Variants in TRIT1 observed in about 807,000 individuals in gnomAD.
TRIT1 encodes the protein tRNA isopentenyltransferase 1.
In TRIT1, 43 loss-of-function variants were observed where a neutral mutation model predicts 51.2. That is an observed-to-expected ratio of 0.84 (90% CI 0.66 to 1.08). The LOEUF (loss-of-function observed/expected upper bound fraction) is 1.08. Ranked by LOEUF, TRIT1 falls within the 50% of genes least tolerant of loss-of-function variation. The pLI is 0.00. For synonymous variants in TRIT1, 184 were observed against 203.9 expected (o/e 0.90, Z 0.83); for missense variants, 528 against 578.4 (o/e 0.91, Z 0.89).
chr1:39,838,883 G>C lies in TRIT1; in HGVS notation c.*2861C>G, dbSNP rs190396181. Among the ~76,000 whole-genome samples the C allele has an allele frequency of 0.027, 3,932 of 145,560 alleles. 182 individuals are homozygous for C. Among genetic ancestry groups the C allele is most frequent in the African/African-American group, 0.094 (3,745 of 39,800 alleles). Reference sequence around the variant, plus strand: ...TTTGGAACTAAAGAGAGCTAAGAGAGGACAAAAAATTACTGAGAGTTAGGA... The same window carrying C: ...TTTGGAACTAAAGAGAGCTAAGAGACGACAAAAAATTACTGAGAGTTAGGA... On this transcript the variant is annotated 3_prime_UTR_variant, in exon 11 of 11. Coordinates refer to ENST00000316891, the MANE Select transcript of TRIT1 (RefSeq NM_017646.6).
At chr1:39,873,821 C>T (rs1215326596) in intron 1 of TRIT1, among the ~76,000 whole-genome samples, 1 of 151,828 alleles carries the variant, frequency 6.6e-6, no homozygotes, top group Non-Finnish European at 1.5e-5. Context: ...GTCGGGAGTT[C>T]GAGACCAGCC....
chr1:39,843,748 C>G (rs1642059507), intron 10 of TRIT1, among the ~76,000 whole-genome samples: 1 of 152,128 alleles, frequency 6.6e-6, no homozygotes, highest in East Asian at 1.9e-4. Context: ...TTCCCTTACA[C>G]CCTTACTTCC....
chr1:39,882,039 T>C (rs1481668446), intron 1 of TRIT1, among the ~76,000 whole-genome samples: 1 of 152,246 alleles, frequency 6.6e-6, no homozygotes, highest in Non-Finnish European at 1.5e-5. Context: ...TATTAAGTAC[T>C]GCACATACTT....
At chr1:39,877,775 A>G (rs911912143) in intron 1 of TRIT1, among the ~76,000 whole-genome samples, 1 of 152,190 alleles carries the variant, frequency 6.6e-6, no homozygotes, top group Non-Finnish European at 1.5e-5. Context: ...GACTCTACAA[A>G]TGAGTTAGAA....
intron 3 of TRIT1, 90 bp downstream of exon 3, chr1:39,853,880 T>C (rs1642736873): frequency 1.2e-6 from 1 of 853,136 alleles, no homozygotes; most frequent in East Asian, 2.5e-5. Context: ...GTATAAGAAA[T>C]AGGCAAGAGT....
chr1:39,844,645 T>C lies in TRIT1; in HGVS notation c.1007-5A>G, dbSNP rs764117268. 3.7e-6 allele frequency: 6 copies of C among 1,607,024 alleles called. No homozygotes were observed. The highest frequency in any genetic ancestry group is 4.3e-6 in the Non-Finnish European group (5 of 1,173,650). On this transcript the variant is annotated splice_polypyrimidine_tract_variant and splice_region_variant and intron_variant, in intron 8 of 10. Transcript: ENST00000316891. Reference sequence around the variant, plus strand: ...GGGGGACAATGGGACCAGGTCCTAATGATGACAAAGAAAGGTTGTGAGAGG... The same window carrying C: ...GGGGGACAATGGGACCAGGTCCTAACGATGACAAAGAAAGGTTGTGAGAGG...
chr1:39,839,925 A>C lies in TRIT1; in HGVS notation c.*1819T>G, dbSNP rs1359498766. Among the ~76,000 whole-genome samples, 1 of 152,228 alleles carries C rather than the reference A, an allele frequency of 6.6e-6. No homozygotes were observed. The highest frequency in any genetic ancestry group is 1.5e-5 in the Non-Finnish European group (1 of 68,042). ...ACATACTTAGCAACTTGAACGAAGA[A>C]TATTTCAGAGAAACTAAAGGTTCTT... is the stretch of plus-strand genomic sequence containing the variant. On this transcript the variant is annotated 3_prime_UTR_variant, in exon 11 of 11. Coordinates refer to ENST00000316891, the MANE Select transcript of TRIT1 (RefSeq NM_017646.6).
At chr1:39,857,510 G>C in intron 1 of TRIT1, 93 bp from the exon 2 acceptor site, 1 of 1,431,112 alleles carries the variant, frequency 7.0e-7, no homozygotes, top group Non-Finnish European at 9.5e-7. Context: ...TCTCCCTCCT[G>C]CCAAACACTT....
At chr1:39,869,763 A>G (rs12033174) in intron 1 of TRIT1, among the ~76,000 whole-genome samples, 13,559 of 140,512 alleles carry the variant, frequency 0.096, 1,209 homozygotes, top group East Asian at 0.31. Flanking sequence ...CCGCCACCCC[A>G]TCTGGGAGGT....
chr1:39,880,057 C>T (rs2124692847), intron 1 of TRIT1, among the ~76,000 whole-genome samples: 1 of 151,488 alleles, frequency 6.6e-6, no homozygotes, highest in East Asian at 1.9e-4. Context: ...TGCCTGTAGT[C>T]CTAGCTGCTC....
At chr1:39,844,940 G>A (rs1268592730) in intron 8 of TRIT1, among the ~76,000 whole-genome samples, 2 of 152,206 alleles carry the variant, frequency 1.3e-5, no homozygotes, top group African/African-American at 4.8e-5. Context: ...ACAACACAAA[G>A]ACAGCACATC....
chr1:39,854,038 G>C lies in TRIT1; in HGVS notation c.346C>G (p.Pro116Ala). 1 of 1,612,000 alleles carries C rather than the reference G, an allele frequency of 6.2e-7. No individual in the cohort carries two copies. The highest frequency in any genetic ancestry group is 8.5e-7 in the Non-Finnish European group (1 of 1,179,358). The change falls in exon 3 of 11, where the codon CCT becomes GCT. Residue 116 changes from proline to alanine, a missense_variant. By Grantham distance (27) the Pro-to-Ala change is conservative. Transcript: ENST00000316891. ...IEDIFARDKI[P>A]IVVGGTNYYI... The stretch of plus-strand genomic sequence containing the variant: ...TAATTGGTTCCTCCCACAACAATAG[G>C]AATTTTGTCTCGGGCAAATATATCT...
intron 1 of TRIT1, among the ~76,000 whole-genome samples, chr1:39,875,693 T>C (rs1003324455): frequency 1.2e-4 from 18 of 152,144 alleles, no homozygotes; most frequent in Non-Finnish European, 2.5e-4. Context: ...TTGCCCATAC[T>C]GTTCTTTTGT....
intron 9 of TRIT1, 149 bp downstream of exon 9, chr1:39,844,382 A>G (rs1642100787): frequency 1.2e-6 from 1 of 820,138 alleles, no homozygotes. Context: ...AAAAGTAGAA[A>G]AGCAGTCTCC....
At chr1:39,883,255 G>T in intron 1 of TRIT1, 63 bp downstream of exon 1, 1 of 1,534,022 alleles carries the variant, frequency 6.5e-7, no homozygotes, top group East Asian at 2.4e-5. Flanking sequence ...TAAGACCTTT[G>T]CCACAGGGTG....
At chr1:39,870,571 A>C (rs1282643684) in intron 1 of TRIT1, among the ~76,000 whole-genome samples, 1 of 150,874 alleles carries the variant, frequency 6.6e-6, no homozygotes, top group Admixed American at 6.6e-5. Flanking sequence ...GGAAATGTAA[A>C]TTAACGACAA....
chr1:39,850,208 C>T lies in TRIT1; in HGVS notation c.614G>A (p.Arg205His), dbSNP rs57069259. The T allele has an allele frequency of 5.6e-6, 9 of 1,614,074 alleles. No homozygotes were observed. Among genetic ancestry groups the T allele is most frequent in the South Asian group, 4.4e-5 (4 of 91,080 alleles). The change falls in exon 5 of 11, where the codon CGT (arginine) becomes CAT (histidine). Residue 205 changes from arginine to histidine, a missense_variant. Physicochemically the swap from Arg to His is conservative, Grantham distance 29. Transcript: ENST00000316891. ...TGISHSEFLH[R>H]QHTEEGGGPL... ...ACCACCACCTTCTTCCGTATGTTGACGATGGAGAAATTCACTATGAGAGAT... is the reference window on the plus strand; with the variant it reads ...ACCACCACCTTCTTCCGTATGTTGATGATGGAGAAATTCACTATGAGAGAT...
chr1:39,880,387 A>C (rs1487245070), intron 1 of TRIT1, among the ~76,000 whole-genome samples: 2 of 152,108 alleles, frequency 1.3e-5, no homozygotes, highest in Non-Finnish European at 2.9e-5. Context: ...TGAAATTGAA[A>C]ATGTTATTTC....
At chr1:39,868,975 G>A (rs574997579) in intron 1 of TRIT1, among the ~76,000 whole-genome samples, 3 of 151,852 alleles carry the variant, frequency 2.0e-5, no homozygotes, top group African/African-American at 4.8e-5. Context: ...CAGGAGAATC[G>A]CTTGAACCGA....
Sources: allele counts gnomAD v4.1 joint callset (sites outside exome capture counted in the v4.1 genomes callset), GRCh38; gene constraint gnomAD v4.1.1; transcripts MANE v1.5; gene names NCBI Gene and HGNC (gene_info 2026-07-23, HGNC 2026-07-21).